PCDH15: variants seen among roughly 807,000 people sequenced by gnomAD.
The protein encoded by PCDH15 is protocadherin-15.
In PCDH15, 129 loss-of-function variants were observed where a neutral mutation model predicts 178.5. The observed-to-expected ratio is 0.72, with a 90% CI of 0.63 to 0.84. PCDH15 has a LOEUF of 0.84. PCDH15 is among the 40% of genes least tolerant of loss of function. The pLI is 0.00. For synonymous variants in PCDH15, 800 were observed against 732.0 expected (o/e 1.09, Z -1.50); for missense variants, 2,230 against 2,099.9 (o/e 1.06, Z -1.21).
chr10:54,252,788 A>C (rs1040000058), intron 8 of PCDH15, among the ~76,000 whole-genome samples: 3 of 149,270 alleles, frequency 2.0e-5, no homozygotes, highest in East Asian at 1.9e-4. Flanking sequence ...TTTTTTTTTT[A>C]AAGTAACATT....
intron 1 of PCDH15, among the ~76,000 whole-genome samples, chr10:54,757,020 T>C (rs1591477412): frequency 6.7e-6 from 1 of 148,622 alleles, no homozygotes; most frequent in Middle Eastern, 3.5e-3. Context: ...CCAATTGGAT[T>C]ACCATATGTC....
chr10:53,850,433 T>C (rs2078283065), intron 28 of PCDH15, among the ~76,000 whole-genome samples: 1 of 152,142 alleles, frequency 6.6e-6, no homozygotes, highest in Non-Finnish European at 1.5e-5. Context: ...CAAGTCATTC[T>C]TCTTGTAAAC....
At chr10:54,148,664 G>A (rs781451621) in intron 14 of PCDH15, among the ~76,000 whole-genome samples, 9 of 151,846 alleles carry the variant, frequency 5.9e-5, no homozygotes, top group Admixed American at 1.3e-4. Context: ...TTAAATTGAT[G>A]TCCTCACCCA....
At chr10:54,829,007 A>T (rs1168385211) in intron 3 of PCDH15, among the ~76,000 whole-genome samples, 1 of 151,986 alleles carries the variant, frequency 6.6e-6, no homozygotes, top group African/African-American at 2.4e-5. Flanking sequence ...ATAGCATATT[A>T]AAAAACTGCT....
chr10:54,361,532 C>A (rs974177343), intron 5 of PCDH15, among the ~76,000 whole-genome samples: 4 of 143,884 alleles, frequency 2.8e-5, no homozygotes, highest in Admixed American at 1.4e-4. Flanking sequence ...AATAACTACC[C>A]TAAAAGTATT....
intron 1 of PCDH15, among the ~76,000 whole-genome samples, chr10:55,275,998 A>G (rs1018511044): frequency 3.3e-5 from 5 of 151,108 alleles, no homozygotes; most frequent in Admixed American, 3.3e-4. Flanking sequence ...GCATGTTATC[A>G]TATTTTTGAT....
intron 2 of PCDH15, among the ~76,000 whole-genome samples, chr10:55,072,464 G>A (rs1218131955): frequency 1.3e-4 from 20 of 151,994 alleles, no homozygotes; most frequent in East Asian, 3.9e-4. Flanking sequence ...AGAATACTAC[G>A]AACACCTCTA....
chr10:54,518,677 T>C (rs566889690), intron 3 of PCDH15, among the ~76,000 whole-genome samples: 38 of 152,176 alleles, frequency 2.5e-4, no homozygotes, highest in South Asian at 2.1e-3. Context: ...TTCCAATCAA[T>C]AGAAAAAGAG....
chr10:54,016,346 A>C (rs985655449), intron 20 of PCDH15, among the ~76,000 whole-genome samples: 2 of 152,068 alleles, frequency 1.3e-5, no homozygotes, highest in African/African-American at 4.8e-5. Context: ...AAGCAAAATG[A>C]CCATTTGACC....
At chr10:55,177,976 T>G (rs766105998) in intron 1 of PCDH15, among the ~76,000 whole-genome samples, 4 of 152,152 alleles carry the variant, frequency 2.6e-5, no homozygotes, top group Non-Finnish European at 5.9e-5. Flanking sequence ...CTCAACTAGT[T>G]CAGCTAATTG....
At chr10:55,566,262 G>A (rs530433049) in intron 2 of PCDH15, among the ~76,000 whole-genome samples, 19 of 151,138 alleles carry the variant, frequency 1.3e-4, no homozygotes, top group African/African-American at 3.6e-4. Flanking sequence ...ATACCCTTTC[G>A]TGATTTAAAA....
At chr10:55,625,550 G>T (rs921939226) in intron 2 of PCDH15, among the ~76,000 whole-genome samples, 1 of 152,086 alleles carries the variant, frequency 6.6e-6, no homozygotes, top group Non-Finnish European at 1.5e-5. Flanking sequence ...CAATTGTTAA[G>T]CATCTTCAGG....
intron 13 of PCDH15, among the ~76,000 whole-genome samples, chr10:54,178,847 G>A (rs991033379): frequency 6.6e-6 from 1 of 152,096 alleles, no homozygotes; most frequent in African/African-American, 2.4e-5. Context: ...TCAGAGAAAT[G>A]CAAATCAAAA....
At chr10:54,129,506 TGTGA>T (rs1393547195) in intron 15 of PCDH15, among the ~76,000 whole-genome samples, 4 of 152,208 alleles carry the variant, frequency 2.6e-5, no homozygotes, top group Non-Finnish European at 5.9e-5. Flanking sequence ...GGACATATAG[TGTGA>T]GTAAGAAATA....
chr10:53,807,270 G>GTCTTTATTAACATACATT (rs1841249234), intron 37 of PCDH15, 140 bp from the exon 38 acceptor site: 1 of 655,108 alleles, frequency 1.5e-6, no homozygotes, highest in Non-Finnish European at 2.5e-6. Flanking sequence ...AAGGAAGCCA[G>GTCTTTATTAACATACATT]TCTTTATTAA....
At chr10:55,482,750 T>C (rs925127081) in intron 2 of PCDH15, among the ~76,000 whole-genome samples, 2 of 151,706 alleles carry the variant, frequency 1.3e-5, no homozygotes, top group African/African-American at 4.8e-5. Flanking sequence ...GACCTTAACA[T>C]TTTTTTCTTT....
At chr10:54,716,841 G>A (rs113189147) in intron 1 of PCDH15, among the ~76,000 whole-genome samples, 9,686 of 136,290 alleles carry the variant, frequency 0.071, 372 homozygotes, top group African/African-American at 0.099. Flanking sequence ...GAGGCATCAC[G>A]CTACCTGACT....
intron 1 of PCDH15, among the ~76,000 whole-genome samples, chr10:54,755,789 C>T (rs1947000301): frequency 6.6e-6 from 1 of 151,976 alleles, no homozygotes; most frequent in Non-Finnish European, 1.5e-5. Flanking sequence ...TCTGTTGGCT[C>T]ATCAGAATAA....
chr10:55,383,503 C>T (rs775299879), intron 2 of PCDH15, among the ~76,000 whole-genome samples: 2 of 152,102 alleles, frequency 1.3e-5, no homozygotes, highest in Non-Finnish European at 2.9e-5. Flanking sequence ...GGGGAACCAT[C>T]CTCTTTTACC....
Sources: gnomAD v4.1 joint callset for allele counts (sites outside exome capture counted in the v4.1 genomes callset) on GRCh38, gnomAD v4.1.1 for gene constraint, MANE v1.5 for transcripts, NCBI Gene and HGNC (gene_info 2026-07-23, HGNC 2026-07-21) for gene names.